Variants in CDH13 observed in about 807,000 individuals in gnomAD.
The protein encoded by CDH13 is cadherin 13.
In CDH13, 24 loss-of-function variants were observed where a neutral mutation model predicts 63.8. That is an observed-to-expected ratio of 0.38 (90% confidence interval 0.27 to 0.53). CDH13 has a LOEUF of 0.53. Among genes scored for constraint, CDH13 ranks in the 20% least tolerant of loss-of-function variants. CDH13 has a pLI of 0.85. For missense variants in CDH13, 1,049 were observed against 903.1 expected, an observed-to-expected ratio of 1.16 and a Z score of -2.07; for synonymous variants, 503 against 355.3, an observed-to-expected ratio of 1.42 and a Z score of -4.67.
intron 4 of CDH13, among the ~76,000 whole-genome samples, chr16:83,213,367 G>A (rs2039393135): frequency 3.3e-5 from 5 of 152,188 alleles, no homozygotes; most frequent in Admixed American, 3.3e-4. Flanking sequence ...GTGGCAGGCA[G>A]AGAAACGGGA....
chr16:83,581,997 C>G (rs769754709), intron 7 of CDH13, among the ~76,000 whole-genome samples: 1 of 152,120 alleles, frequency 6.6e-6, no homozygotes, highest in Non-Finnish European at 1.5e-5. Flanking sequence ...ATGGCTCTGT[C>G]CACACTGGCT....
At chr16:83,567,632 G>A (rs567799213) in intron 7 of CDH13, among the ~76,000 whole-genome samples, 5 of 152,308 alleles carry the variant, frequency 3.3e-5, no homozygotes. Context: ...GTCTCACTCT[G>A]TTGCCCAGGC....
At chr16:83,193,072 C>T (rs1597493479) in intron 4 of CDH13, among the ~76,000 whole-genome samples, 1 of 151,656 alleles carries the variant, frequency 6.6e-6, no homozygotes, top group African/African-American at 2.4e-5. Context: ...GTCTGACTCA[C>T]TTGGAGAGTA....
At chr16:83,441,870 G>C (rs916540621) in intron 6 of CDH13, among the ~76,000 whole-genome samples, 1 of 152,118 alleles carries the variant, frequency 6.6e-6, no homozygotes, top group East Asian at 1.9e-4. Context: ...ATGTGTATAC[G>C]AGGCTTTGTT....
rs115573967 is a variant in CDH13 at position 83,254,513 on chromosome 16, C to T, written c.636+37016C>T. ...ACGCAGGATCAAATGTGTGGTTCTA[C>T]CATAATGACTCTATGGACAGGATCC... is the stretch of plus-strand genomic sequence containing the variant. On this transcript the variant is annotated intron_variant, in intron 5 of 13. Coordinates refer to ENST00000567109, the MANE Select transcript of CDH13 (RefSeq NM_001257.5). Among the ~76,000 whole-genome samples, 460 of 152,286 alleles carry T rather than the reference C, an allele frequency of 3.0e-3. 1 individual carries two copies. Among genetic ancestry groups the T allele is most frequent in the African/African-American group, 0.01 (435 of 41,556 alleles).
chr16:82,967,302 A>G (rs375589313), intron 2 of CDH13, among the ~76,000 whole-genome samples: 4 of 151,584 alleles, frequency 2.6e-5, no homozygotes, highest in African/African-American at 9.7e-5. Context: ...ACATTTTCTC[A>G]TAGTCTGCCC....
At chr16:83,753,226 G>A (rs1913235682) in intron 11 of CDH13, among the ~76,000 whole-genome samples, 1 of 152,086 alleles carries the variant, frequency 6.6e-6, no homozygotes, top group Non-Finnish European at 1.5e-5. Context: ...GTTTAACCCG[G>A]AAAAGCCAAC....
chr16:83,671,433 G>C (rs1914491124), intron 9 of CDH13, among the ~76,000 whole-genome samples: 1 of 152,062 alleles, frequency 6.6e-6, no homozygotes, highest in South Asian at 2.1e-4. Context: ...ATTTTTAGTA[G>C]AGATGAGGTC....
chr16:82,690,016 A>T (rs946701381), intron 1 of CDH13, among the ~76,000 whole-genome samples: 6 of 142,314 alleles, frequency 4.2e-5, no homozygotes, highest in African/African-American at 5.4e-5. Flanking sequence ...AAAAAAAAAA[A>T]AATTAGCCAG....
At chr16:83,011,424 G>C (rs1042039474) in intron 2 of CDH13, among the ~76,000 whole-genome samples, 2 of 152,150 alleles carry the variant, frequency 1.3e-5, no homozygotes, top group African/African-American at 4.8e-5. Context: ...AAGAAGGTGA[G>C]CCCTCAACTT....
chr16:82,648,960 C>A (rs1910418542), intron 1 of CDH13, among the ~76,000 whole-genome samples: 1 of 151,940 alleles, frequency 6.6e-6, no homozygotes, highest in Non-Finnish European at 1.5e-5. Context: ...AAAGAAAGAG[C>A]CAATTTTAGA....
intron 6 of CDH13, among the ~76,000 whole-genome samples, chr16:83,347,687 C>A (rs2090868608): frequency 6.6e-6 from 1 of 152,166 alleles, no homozygotes; most frequent in East Asian, 1.9e-4. Context: ...GACAAAGTTA[C>A]CTGGCTGGGG....
chr16:83,492,106 C>G (rs1274063911), intron 7 of CDH13, among the ~76,000 whole-genome samples: 1 of 152,032 alleles, frequency 6.6e-6, no homozygotes, highest in African/African-American at 2.4e-5. Context: ...GTCAAAATGA[C>G]CCATGTTAAA....
chr16:83,046,653 G>A (rs1917810885), intron 3 of CDH13, among the ~76,000 whole-genome samples: 1 of 152,148 alleles, frequency 6.6e-6, no homozygotes, highest in South Asian at 2.1e-4. Context: ...TTCCCTAGGG[G>A]AAGGAGTAAC....
At chr16:82,846,035 C>A (rs1287893747) in intron 1 of CDH13, among the ~76,000 whole-genome samples, 1 of 152,152 alleles carries the variant, frequency 6.6e-6, no homozygotes, top group Non-Finnish European at 1.5e-5. Context: ...TGAAGGAGGG[C>A]ATGCATGAGT....
chr16:83,698,436 G>T (rs995304880), intron 10 of CDH13, among the ~76,000 whole-genome samples: 2 of 152,196 alleles, frequency 1.3e-5, no homozygotes, highest in Non-Finnish European at 2.9e-5. Context: ...TGGCTTTGAT[G>T]AACCTCCCTG....
At chr16:83,751,835 CAG>C (rs951856438) in intron 11 of CDH13, among the ~76,000 whole-genome samples, 48 of 152,300 alleles carry the variant, frequency 3.2e-4, no homozygotes, top group Admixed American at 2.0e-4. Flanking sequence ...TCAACGTAAA[CAG>C]GGAGTGAGTT....
At chr16:83,000,128 C>T (rs1912705669) in intron 2 of CDH13, among the ~76,000 whole-genome samples, 1 of 149,926 alleles carries the variant, frequency 6.7e-6, no homozygotes, top group African/African-American at 2.5e-5. Context: ...CGTTTGGTAC[C>T]TGGTAAGTGC....
Position 83,792,336 on chromosome 16 carries a change from C to G in CDH13, c.2135-2687C>G, listed in dbSNP as rs575317349. Among the ~76,000 whole-genome samples, 19 of 152,258 alleles carry G rather than the reference C, an allele frequency of 1.2e-4. No individual in the cohort carries two copies. The East Asian group carries it at 2.5e-3, about 20-fold the overall frequency. On this transcript the variant is annotated intron_variant, in intron 13 of 13. Transcript: ENST00000567109. ...TAAATAAATTTCCTCAAGTAACCAT[C>G]TCAATAGCCCTGGGACGAGTCACTT...
Sources: allele counts gnomAD v4.1 joint callset (sites outside exome capture counted in the v4.1 genomes callset), GRCh38; gene constraint gnomAD v4.1.1; transcripts MANE v1.5; gene names NCBI Gene and HGNC (gene_info 2026-07-23, HGNC 2026-07-21).